ARHGEF10L: variants seen among roughly 807,000 people sequenced by gnomAD.
ARHGEF10L encodes the protein Rho guanine nucleotide exchange factor 10 like, also known as rho guanine nucleotide exchange factor 10-like protein.
Under a neutral mutation model 141.2 loss-of-function variants are expected in ARHGEF10L, and 69 were observed. The observed-to-expected ratio is 0.49, with a 90% confidence interval of 0.40 to 0.60. ARHGEF10L has a LOEUF of 0.60. Among genes scored for constraint, ARHGEF10L ranks in the 20% least tolerant of loss-of-function variants. The probability of loss-of-function intolerance (pLI) is 0.00; values close to 1 mark genes in which losing one functional copy is unlikely to be tolerated. For synonymous variants in ARHGEF10L, 711 were observed against 718.5 expected (o/e 0.99, Z 0.17); for missense variants, 1,482 against 1,734.3 (o/e 0.85, Z 2.58).
intron 5 of ARHGEF10L, among the ~76,000 whole-genome samples, chr1:17,602,570 G>A (rs1424572753): frequency 6.6e-6 from 1 of 152,190 alleles, no homozygotes; most frequent in Non-Finnish European, 1.5e-5. Context: ...AGAAAGAGAG[G>A]GAGGCAGCAG....
chr1:17,538,868 A>G (rs1570335589), upstream of ARHGEF10L, among the ~76,000 whole-genome samples: 6 of 152,278 alleles, frequency 3.9e-5, no homozygotes, highest in South Asian at 1.2e-3. Flanking sequence ...ATAGAGGGGT[A>G]GCGGGGGAGT....
intron 4 of ARHGEF10L, among the ~76,000 whole-genome samples, chr1:17,600,340 G>T (rs2080525692): frequency 6.6e-6 from 1 of 152,236 alleles, no homozygotes; most frequent in Admixed American, 6.5e-5. Context: ...TGGCAACGGT[G>T]CTGTTCTCTT....
intron 27 of ARHGEF10L, among the ~76,000 whole-genome samples, chr1:17,688,067 T>C (rs914849235): frequency 6.6e-6 from 1 of 152,214 alleles, no homozygotes; most frequent in Non-Finnish European, 1.5e-5. Flanking sequence ...CCCAGGCCTT[T>C]CATTCTGCCC....
At chr1:17,675,714 G>A (rs1015927442) in intron 26 of ARHGEF10L, among the ~76,000 whole-genome samples, 4 of 147,600 alleles carry the variant, frequency 2.7e-5, no homozygotes, top group African/African-American at 5.1e-5. Context: ...GTAGGTGCAG[G>A]CCTGTGTGCA....
intron 2 of ARHGEF10L, among the ~76,000 whole-genome samples, chr1:17,584,533 C>T (rs1340846534): frequency 6.6e-6 from 1 of 152,136 alleles, no homozygotes; most frequent in East Asian, 1.9e-4. Flanking sequence ...ACACAAATAG[C>T]ATATGGCATC....
intron 4 of ARHGEF10L, among the ~76,000 whole-genome samples, chr1:17,597,475 G>A (rs998160994): frequency 2.6e-5 from 4 of 152,146 alleles, no homozygotes; most frequent in Admixed American, 6.5e-5. Context: ...ATTTCTTGCC[G>A]TGCCCTCTTT....
At chr1:17,686,983 C>T (rs2064657688) in intron 26 of ARHGEF10L, among the ~76,000 whole-genome samples, 1 of 151,982 alleles carries the variant, frequency 6.6e-6, no homozygotes, top group East Asian at 1.9e-4. Context: ...TTCCTCAGGA[C>T]CCAAACTTGT....
chr1:17,695,284 A>G lies in ARHGEF10L; in HGVS notation c.3307+4A>G. 6.4e-7 allele frequency: 1 copy of G among 1,569,130 alleles called. No individual in the cohort carries two copies. On this transcript the variant is annotated splice_donor_region_variant and intron_variant, in intron 28 of 28. Transcript: ENST00000361221. ...GAAGGCATCCCCAAGATCACAGGTG[A>G]GGCTTTGGGAGCTGGTGTTGGCAGG...
intron 25 of ARHGEF10L, among the ~76,000 whole-genome samples, chr1:17,664,084 T>C (rs888316665): frequency 1.3e-5 from 2 of 152,176 alleles, no homozygotes; most frequent in African/African-American, 2.4e-5. Context: ...GTCTGATTCC[T>C]TTCTGTCTTC....
chr1:17,688,923 C>T (rs2102520521), intron 27 of ARHGEF10L, among the ~76,000 whole-genome samples: 1 of 152,276 alleles, frequency 6.6e-6, no homozygotes, highest in Middle Eastern at 3.4e-3. Context: ...ATGGTGGTTA[C>T]TAACAACACA....
chr1:17,549,720 T>G (rs1570404030), intron 1 of ARHGEF10L, among the ~76,000 whole-genome samples: 1 of 151,192 alleles, frequency 6.6e-6, no homozygotes, highest in African/African-American at 2.4e-5. Flanking sequence ...CATCGGAGGT[T>G]TGTTTTCCAC....
rs2059994260 is a variant in ARHGEF10L at position 17,619,559 on chromosome 1, G to A, written c.942+114G>A. ...GATCTCACAGGGGATATGATGACTG[G>A]GGGCTCTTGGCAGAGCCCAGCTGGA... On this transcript the variant is annotated intron_variant, in intron 10 of 28. Coordinates refer to ENST00000361221, the MANE Select transcript of ARHGEF10L (RefSeq NM_018125.4). The surrounding 1 kb of genome is among the most constrained non-coding windows in gnomAD (Gnocchi z 5.0). The A allele has an allele frequency of 3.5e-6, 3 of 855,272 alleles. No homozygotes were observed. In the East Asian group the frequency reaches 8.3e-5, roughly 24 times the overall value. The allele number at this position is 855,272 out of a possible 1,614,324, so 53.0% of individuals were successfully genotyped here. A position where few individuals can be genotyped will look rare whatever the true frequency, so the allele number is the denominator to read the frequency against.
chr1:17,648,528 T>C, intron 21 of ARHGEF10L, 26 bp from the exon 22 acceptor site: 1 of 1,612,782 alleles, frequency 6.2e-7, no homozygotes, highest in Non-Finnish European at 8.5e-7. Flanking sequence ...TGACCAGCTC[T>C]ACCCACCTCC....
intron 1 of ARHGEF10L, among the ~76,000 whole-genome samples, chr1:17,569,560 GGCCCCTCCCT>G (rs2077903936): frequency 6.6e-6 from 1 of 152,180 alleles, no homozygotes; most frequent in African/African-American, 2.4e-5. Flanking sequence ...AGAGTGAACA[GGCCCCTCCCT>G]GCCAGACAGA....
At chr1:17,578,053 T>C (rs2078295719) in intron 1 of ARHGEF10L, among the ~76,000 whole-genome samples, 1 of 152,298 alleles carries the variant, frequency 6.6e-6, no homozygotes, top group Middle Eastern at 3.4e-3. Context: ...TAGCAGCCTC[T>C]TTCTGTATCA....
chr1:17,524,854 T>C, the ARHGEF10L span, among the ~76,000 whole-genome samples: 1 of 152,302 alleles, frequency 6.6e-6, no homozygotes, highest in South Asian at 2.1e-4. Flanking sequence ...CTCCTTGGAT[T>C]CCAGGTGGCC....
rs74751398 is a variant in ARHGEF10L, at chr1:17,639,587, G to A, written c.2172-615G>A. Among the ~76,000 whole-genome samples, 2,140 of 152,152 alleles carry A rather than the reference G, an allele frequency of 0.014. 47 individuals are homozygous for A. Among genetic ancestry groups the A allele is most frequent in the African/African-American group, 0.045 (1,855 of 41,492 alleles). The stretch of plus-strand genomic sequence containing the variant: ...CTTCTCTCTGCCTCTCATTCTCCAC[G>A]TGCACCCTAGAGGCTTGTGACACTG... On this transcript the variant is annotated intron_variant, in intron 20 of 28. Coordinates refer to ENST00000361221, the MANE Select transcript of ARHGEF10L (RefSeq NM_018125.4). This position sits in a 1 kb window ranked among gnomAD's most constrained non-coding sequence, Gnocchi z 4.3.
In ARHGEF10L at chr1:17,595,481, G is replaced by A. The variant is rs144764583; in HGVS notation, c.258-6646G>A. On this transcript the variant is annotated intron_variant, in intron 4 of 28. Transcript: ENST00000361221. ...CCACCTGTACAGAGATGGCTCCCCA[G>A]AGGCCTCGACGCTCACTCCCTGCTG... 1.6e-4 allele frequency among the ~76,000 whole-genome samples: 24 copies of A among 152,246 alleles called. No homozygotes were observed. In the East Asian group the frequency reaches 2.9e-3, roughly 18 times the overall value.
At chr1:17,550,473 T>G (rs934598951) in intron 1 of ARHGEF10L, among the ~76,000 whole-genome samples, 4 of 152,082 alleles carry the variant, frequency 2.6e-5, no homozygotes, top group African/African-American at 4.8e-5. Context: ...TGAAACCCCA[T>G]CTCTACTGAA....
Sources: gnomAD v4.1 joint callset for allele counts (sites outside exome capture counted in the v4.1 genomes callset) on GRCh38, gnomAD v4.1.1 for gene constraint, Gnocchi (gnomAD v3.1) non-coding constraint, MANE v1.5 for transcripts, NCBI Gene and HGNC (gene_info 2026-07-23, HGNC 2026-07-21) for gene names.